SPMIP2: variants seen among roughly 807,000 people sequenced by gnomAD.
SPMIP2 encodes the protein sperm microtubule inner protein 2.
the SPMIP2 span, among the ~76,000 whole-genome samples, chr4:159,047,807 C>T: frequency 6.6e-6 from 1 of 152,158 alleles, no homozygotes; most frequent in Non-Finnish European, 1.5e-5. Context: ...GGAAGAAAGA[C>T]AAAGAGAATG....
the SPMIP2 span, among the ~76,000 whole-genome samples, chr4:159,068,708 G>T: frequency 3.3e-5 from 5 of 150,956 alleles, no homozygotes; most frequent in Non-Finnish European, 7.4e-5. Context: ...ATAAAAAAAA[G>T]AAAAAGAGCA....
the SPMIP2 span, among the ~76,000 whole-genome samples, chr4:158,962,170 T>C: frequency 1.3e-5 from 2 of 152,158 alleles, no homozygotes; most frequent in Non-Finnish European, 2.9e-5. Flanking sequence ...AACTGTTAAA[T>C]TTGAGTTAAA....
At chr4:158,950,194 T>C in the SPMIP2 span, among the ~76,000 whole-genome samples, 1 of 152,220 alleles carries the variant, frequency 6.6e-6, no homozygotes, top group Non-Finnish European at 1.5e-5. Flanking sequence ...TGACATTAGA[T>C]CAGAGGCATG....
the SPMIP2 span, among the ~76,000 whole-genome samples, chr4:158,902,797 C>G: frequency 1.3e-5 from 2 of 152,162 alleles, no homozygotes; most frequent in Admixed American, 6.5e-5. Flanking sequence ...GAGGCTAAAC[C>G]GCTTACTCAA....
chr4:159,058,427 G>A, the SPMIP2 span, among the ~76,000 whole-genome samples: 1 of 152,070 alleles, frequency 6.6e-6, no homozygotes, highest in Non-Finnish European at 1.5e-5. Flanking sequence ...TGTTTATATT[G>A]TTAAGCCAGA....
chr4:159,047,244 AT>A, the SPMIP2 span, among the ~76,000 whole-genome samples: 3 of 152,218 alleles, frequency 2.0e-5, no homozygotes, highest in Non-Finnish European at 4.4e-5. Flanking sequence ...CACAAACTGA[AT>A]AATCAACTTC....
the SPMIP2 span, among the ~76,000 whole-genome samples, chr4:158,965,073 G>T: frequency 6.6e-6 from 1 of 152,218 alleles, no homozygotes; most frequent in South Asian, 2.1e-4. Context: ...AATGCTAATT[G>T]CCTCATTAAT....
the SPMIP2 span, among the ~76,000 whole-genome samples, chr4:159,066,363 A>G: frequency 1.3e-5 from 2 of 151,986 alleles, no homozygotes; most frequent in Admixed American, 1.3e-4. Flanking sequence ...GCTTTGTTAG[A>G]TCTAGGGGTG....
At chr4:158,991,909 T>C in the SPMIP2 span, among the ~76,000 whole-genome samples, 1 of 152,188 alleles carries the variant, frequency 6.6e-6, no homozygotes, top group Non-Finnish European at 1.5e-5. Flanking sequence ...ATACTTTTTT[T>C]CCTTTTTAGA....
At chr4:158,962,124 CAT>C in the SPMIP2 span, among the ~76,000 whole-genome samples, 2 of 152,164 alleles carry the variant, frequency 1.3e-5, no homozygotes, top group Non-Finnish European at 2.9e-5. Context: ...ACTACATTCA[CAT>C]ATCGTGAGTT....
At chr4:158,952,545 T>C in the SPMIP2 span, among the ~76,000 whole-genome samples, 3 of 152,162 alleles carry the variant, frequency 2.0e-5, no homozygotes, top group East Asian at 5.8e-4. Flanking sequence ...AGCATGAAAA[T>C]GGACTAATAC....
the SPMIP2 span, among the ~76,000 whole-genome samples, chr4:158,991,995 G>A: frequency 1.3e-5 from 2 of 152,166 alleles, no homozygotes; most frequent in African/African-American, 4.8e-5. Context: ...GGGCTCCAGG[G>A]ATCCTCCTGA....
chr4:158,893,646 T>C, the SPMIP2 span: 5 of 1,484,160 alleles, frequency 3.4e-6, no homozygotes, highest in East Asian at 2.3e-5. Flanking sequence ...TTTTTTGTTA[T>C]ACAGTAGTAG....
At chr4:158,963,297 GTTTGTTTGT>G in the SPMIP2 span, among the ~76,000 whole-genome samples, 1 of 145,706 alleles carries the variant, frequency 6.9e-6, no homozygotes, top group Middle Eastern at 3.5e-3. Context: ...TTTTTTTTTT[GTTTGTTTGT>G]TTTGTTTGTT....
the SPMIP2 span, among the ~76,000 whole-genome samples, chr4:159,012,491 G>A: frequency 3.3e-5 from 5 of 152,162 alleles, no homozygotes; most frequent in Admixed American, 2.6e-4. Flanking sequence ...GTTTTCAATA[G>A]ACATGGTGAG....
chr4:159,001,204 A>G, the SPMIP2 span, among the ~76,000 whole-genome samples: 2 of 152,156 alleles, frequency 1.3e-5, no homozygotes, highest in African/African-American at 4.8e-5. Context: ...ATGTAGTGAT[A>G]CCTCATTGCA....
chr4:158,910,967 G>A, the SPMIP2 span, among the ~76,000 whole-genome samples: 1 of 152,176 alleles, frequency 6.6e-6, no homozygotes, highest in African/African-American at 2.4e-5. Flanking sequence ...CAATGATATG[G>A]TATGATAACC....
the SPMIP2 span, among the ~76,000 whole-genome samples, chr4:158,988,492 A>C: frequency 6.6e-6 from 1 of 152,224 alleles, no homozygotes; most frequent in Non-Finnish European, 1.5e-5. Context: ...ATCCTCAATA[A>C]AATATTGGCA....
chr4:159,009,899 T>A, the SPMIP2 span, among the ~76,000 whole-genome samples: 1 of 152,146 alleles, frequency 6.6e-6, no homozygotes, highest in Admixed American at 6.5e-5. Context: ...GGTGGGCGGA[T>A]CACTTGAGTC....
Sources: gnomAD v4.1 joint callset for allele counts (sites outside exome capture counted in the v4.1 genomes callset) on GRCh38, gnomAD v4.1.1 for gene constraint, MANE v1.5 for transcripts, NCBI Gene and HGNC (gene_info 2026-07-23, HGNC 2026-07-21) for gene names.